Variants in ASB11 observed in about 807,000 individuals in gnomAD.
ASB11 encodes the protein ankyrin repeat and SOCS box protein 11.
In ASB11, 17 loss-of-function variants were observed where a neutral mutation model predicts 20.1. The ratio of observed to expected loss-of-function variants is 0.85; its 90% CI spans 0.58 to 1.27. The LOEUF (loss-of-function observed/expected upper bound fraction) is 1.27. ASB11 is among the 50% of genes most tolerant of loss of function. The pLI is 0.00. For synonymous variants in ASB11, 107 were observed against 105.6 expected, an observed-to-expected ratio of 1.01 and a Z score of -0.08; for missense variants, 259 against 256.9, an observed-to-expected ratio of 1.01 and a Z score of -0.06.
rs1479827802 is a variant in ASB11, at chrX:15,283,157, A to G, written c.*348T>C. 1 of 125,308 alleles carries G rather than the reference A, an allele frequency of 8.0e-6. No individual in the cohort carries two copies. Among genetic ancestry groups the G allele is most frequent in the Admixed American group, 8.8e-5 (1 of 11,403 alleles). The allele number at this position is 125,308 out of a possible 1,213,427, so 10.3% of individuals were successfully genotyped here. ...ATTTGTTATAATCTTATCCACCTGA[A>G]TTTATATGTGTCTATACAATATTCA... is the stretch of plus-strand genomic sequence containing the variant. On this transcript the variant is annotated 3_prime_UTR_variant, in exon 7 of 7. Coordinates refer to ENST00000480796, the MANE Select transcript of ASB11 (RefSeq NM_080873.3).
chrX:15,313,366 T>A (rs1921499797), intron 1 of ASB11, among the ~76,000 whole-genome samples: 1 of 109,587 alleles, frequency 9.1e-6, no homozygotes, highest in Non-Finnish European at 1.9e-5. Flanking sequence ...GCCACTGAAC[T>A]CCAGCCTGGG....
intron 6 of ASB11, 58 bp downstream of exon 6, chrX:15,287,823 A>T (rs755521735): frequency 9.0e-7 from 1 of 1,115,715 alleles, no homozygotes; most frequent in African/African-American, 1.8e-5. Context: ...TACAGATGAG[A>T]CAGGAAGGGG....
intron 3 of ASB11, among the ~76,000 whole-genome samples, chrX:15,295,327 C>T (rs990579641): frequency 1.8e-5 from 2 of 112,003 alleles, no homozygotes; most frequent in Non-Finnish European, 3.8e-5. Context: ...AGGCGTGAGC[C>T]ACTGTGCCTG....
intron 1 of ASB11, among the ~76,000 whole-genome samples, chrX:15,310,563 A>T (rs183776102): frequency 8.9e-6 from 1 of 112,699 alleles, no homozygotes; most frequent in Non-Finnish European, 1.9e-5. Flanking sequence ...TATATATTTC[A>T]ATAACATTGG....
intron 6 of ASB11, among the ~76,000 whole-genome samples, chrX:15,285,686 C>A (rs966334232): frequency 9.0e-6 from 1 of 111,065 alleles, no homozygotes; most frequent in African/African-American, 3.3e-5. Context: ...AATAAAAGAA[C>A]AATGATTAAT....
intron 3 of ASB11, among the ~76,000 whole-genome samples, chrX:15,297,208 C>T (rs761625808): frequency 8.1e-5 from 9 of 111,753 alleles, no homozygotes; most frequent in Non-Finnish European, 1.7e-4. Flanking sequence ...AGGAGAATGG[C>T]GTGAACCCCG....
intron 6 of ASB11, among the ~76,000 whole-genome samples, chrX:15,287,490 C>T (rs774726252): frequency 1.8e-5 from 2 of 112,324 alleles, no homozygotes; most frequent in Non-Finnish European, 3.8e-5. Flanking sequence ...CCACATCTGG[C>T]TAATTTCTGT....
chrX:15,283,701 C>A, intron 6 of ASB11, 72 bp from the exon 7 acceptor site: 2 of 1,130,182 alleles, frequency 1.8e-6, no homozygotes, highest in South Asian at 1.9e-5. Context: ...AATCAGAGAA[C>A]TGGAAGAGGC....
chrX:15,295,390 A>G (rs1470954522), intron 3 of ASB11, among the ~76,000 whole-genome samples: 1 of 112,117 alleles, frequency 8.9e-6, no homozygotes, highest in Non-Finnish European at 1.9e-5. Flanking sequence ...TGACTATGGG[A>G]GTAGGATAAA....
At chrX:15,284,169 G>T (rs899538912) in intron 6 of ASB11, among the ~76,000 whole-genome samples, 3 of 105,135 alleles carry the variant, frequency 2.9e-5, no homozygotes, top group Non-Finnish European at 5.8e-5. Flanking sequence ...GGAGAATGGC[G>T]TGAACCCGGG....
Position 15,284,053 on chromosome X carries a change from C to T in ASB11, c.848-424G>A, listed in dbSNP as rs367547271. ...GGATCACGAGGTCAGGAGATGGAGACCATCCTGGCTAACACGGTGAAACCC... is the reference window on the plus strand; with the variant it reads ...GGATCACGAGGTCAGGAGATGGAGATCATCCTGGCTAACACGGTGAAACCC... On this transcript the variant is annotated intron_variant, in intron 6 of 6. Transcript: ENST00000480796. Among the ~76,000 whole-genome samples, 293 of 107,707 alleles carry T rather than the reference C, an allele frequency of 2.7e-3. 2 individuals are homozygous for T. The highest frequency in any genetic ancestry group is 1.8e-3 in the African/African-American group (53 of 29,018). The allele number at this position is 107,707 out of a possible 115,157, so 93.5% of individuals were successfully genotyped here.
intron 6 of ASB11, among the ~76,000 whole-genome samples, chrX:15,284,798 A>G (rs1234024401): frequency 8.9e-6 from 1 of 112,031 alleles, no homozygotes; most frequent in Non-Finnish European, 1.9e-5. Context: ...ATCAGTAAAG[A>G]TCTCTTCAAG....
At chrX:15,294,625 C>T (rs190196486) in intron 3 of ASB11, among the ~76,000 whole-genome samples, 60 of 112,228 alleles carry the variant, frequency 5.3e-4, no homozygotes, top group African/African-American at 1.9e-3. Context: ...CCTGCCTCAG[C>T]CTGCCAAAGG....
In ASB11 at chrX:15,302,809, T is replaced by C; in HGVS notation, c.182-2A>G. 1 of 1,207,624 alleles carries C rather than the reference T, an allele frequency of 8.3e-7. No individual in the cohort carries two copies. The highest frequency in any genetic ancestry group is 1.1e-6 in the Non-Finnish European group (1 of 892,440). On this transcript the variant is annotated splice_acceptor_variant, in intron 1 of 6. Transcript: ENST00000480796. LOFTEE classifies it high-confidence loss of function. ...GTGGGGATCGATCAGCCCAGCAATC[T>C]GAAACACAAATCAAGCTCAAAGTCA...
intron 4 of ASB11, among the ~76,000 whole-genome samples, chrX:15,291,027 CT>C (rs768835494): frequency 4.5e-5 from 5 of 110,606 alleles, no homozygotes; most frequent in East Asian, 5.7e-4. Context: ...TAATTCTTGT[CT>C]TTTTTTTGAA....
chrX:15,309,967 C>CAAAAAAA (rs60765469), intron 1 of ASB11, among the ~76,000 whole-genome samples: 370 of 15,501 alleles, frequency 0.024, 46 homozygotes, highest in African/African-American at 0.068. Flanking sequence ...GACTCCGTCT[C>CAAAAAAA]AAAAAAAAAA....
chrX:15,289,746 G>T, intron 4 of ASB11, 108 bp from the exon 5 acceptor site: 1 of 926,548 alleles, frequency 1.1e-6, no homozygotes. Flanking sequence ...TAGGTTGGCC[G>T]GGTGTGGTGG....
At chrX:15,285,953 C>T (rs1243076545) in intron 6 of ASB11, among the ~76,000 whole-genome samples, 1 of 110,453 alleles carries the variant, frequency 9.1e-6, no homozygotes, top group African/African-American at 3.3e-5. Flanking sequence ...TGCAGTGAGC[C>T]GAGATCACGC....
chrX:15,289,798 C>T (rs982506376), intron 4 of ASB11, among the ~76,000 whole-genome samples, 160 bp from the exon 5 acceptor site: 1 of 111,461 alleles, frequency 9.0e-6, no homozygotes, highest in Non-Finnish European at 1.9e-5. Flanking sequence ...CTGAGACCGG[C>T]GGATTCCCTG....
Sources: allele counts gnomAD v4.1 joint callset (sites outside exome capture counted in the v4.1 genomes callset), GRCh38; gene constraint gnomAD v4.1.1; transcripts MANE v1.5; gene names NCBI Gene and HGNC (gene_info 2026-07-23, HGNC 2026-07-21).